The following ANAPC7 variants were observed in gnomAD, a reference collection of about 807,000 sequenced individuals.
ANAPC7 encodes the protein anaphase-promoting complex subunit 7.
In ANAPC7, 25 loss-of-function variants were observed where a neutral mutation model predicts 63.3. That is an observed-to-expected ratio of 0.39 (90% CI 0.29 to 0.55). The LOEUF is 0.55. ANAPC7 is among the 20% of genes least tolerant of loss of function. The pLI, the probability that ANAPC7 is intolerant of heterozygous loss-of-function variation, is 0.57. For missense variants in ANAPC7, 516 were observed against 691.7 expected, an observed-to-expected ratio of 0.75 and a Z score of 2.85; for synonymous variants, 241 against 251.7, an observed-to-expected ratio of 0.96 and a Z score of 0.40.
rs1398281776 is a variant in ANAPC7 at position 110,387,727 on chromosome 12, T to A, written c.674+12A>T. The A allele has an allele frequency of 3.1e-6, 5 of 1,596,770 alleles. No homozygotes were observed. ...GGCCTCAAGAACACTGAATTAACTT[T>A]GTGGCTCTCACCAGATGGTACTGAT... On this transcript the variant is annotated intron_variant, in intron 5 of 10. Transcript: ENST00000455511.
intron 8 of ANAPC7, chr12:110,379,087 C>A (rs1460737782): frequency 6.6e-6 from 1 of 152,106 alleles, no homozygotes; most frequent in African/African-American, 2.4e-5. Context: ...GTCTCGAACT[C>A]CTGACGTCAG....
Position 110,403,579 on chromosome 12 carries a change from AG to A in ANAPC7, c.48del (p.Ser17ProfsTer13). 1 of 1,609,238 alleles carries A rather than the reference AG, an allele frequency of 6.2e-7. No homozygotes were observed. Among genetic ancestry groups the A allele is most frequent in the Non-Finnish European group, 8.5e-7 (1 of 1,178,334 alleles). Reference protein sequence around the residue: ...HVRDMAAAGLHSNVRLLSSLL... With the variant: ...HVRDMAAAGLXSNVRLLSSLL... ...AAGCTGCTGAGGAGCCGCACGTTGG[AG>A]TGCAGCCCCGCGGCCGCCATGTCCC... On this transcript the variant is annotated frameshift_variant, in exon 1 of 11. Coordinates refer to ENST00000455511, the MANE Select transcript of ANAPC7 (RefSeq NM_016238.3). LOFTEE classifies it high-confidence loss of function.
rs35699984 is a variant in ANAPC7 at position 110,381,954 on chromosome 12, GAAAA to G, written c.936-10_936-7del. 1,507 of 973,458 alleles carry G rather than the reference GAAAA, an allele frequency of 1.5e-3. No individual in the cohort carries two copies. Among genetic ancestry groups the G allele is most frequent in the Middle Eastern group, 2.0e-3 (5 of 2,512 alleles). The allele number at this position is 973,458 out of a possible 1,614,324, so 60.3% of individuals were successfully genotyped here. ...TGCTATAGAAGCTGTGACAGCTGGA[GAAAA>G]AAAAAAAAAAAAAAACACAAAAACC... On this transcript the variant is annotated splice_polypyrimidine_tract_variant and splice_region_variant and intron_variant, in intron 7 of 10. Coordinates refer to ENST00000455511, the MANE Select transcript of ANAPC7 (RefSeq NM_016238.3).
rs542058162 is a variant in ANAPC7, at chr12:110,383,010, G to A, written c.818-50C>T. On this transcript the variant is annotated intron_variant, in intron 6 of 10. Transcript: ENST00000455511. The stretch of plus-strand genomic sequence containing the variant: ...AGAGGTGTTTTAAGAAGAGAAGCAG[G>A]GGTCCCACATACAGGAGTAGCACCC... The A allele has an allele frequency of 7.5e-6, 11 of 1,461,956 alleles. No homozygotes were observed. The East Asian group carries it at 2.1e-4, about 27-fold the overall frequency. The allele number at this position is 1,461,956 out of a possible 1,614,324, so 90.6% of individuals were successfully genotyped here. A position where few individuals can be genotyped will look rare whatever the true frequency, so the allele number is the denominator to read the frequency against.
Position 110,388,546 on chromosome 12 carries a change from C to A in ANAPC7, c.486G>T (p.Leu162=). The change falls in exon 4 of 11, where the codon CTG becomes CTT. Residue 162 remains leucine (L), a synonymous_variant. Transcript: ENST00000455511. ...RPSVTSYKEV[L]RQCPLALDAI... is the part of the protein sequence containing the mutation. ...CATCAAGGGCTAATGGGCACTGCCTCAGCACCTCCTTATAGCTGGTGACTG... is the reference window on the plus strand; with the variant it reads ...CATCAAGGGCTAATGGGCACTGCCTAAGCACCTCCTTATAGCTGGTGACTG... 1 of 1,614,178 alleles carries A rather than the reference C, an allele frequency of 6.2e-7. No homozygotes were observed. Among genetic ancestry groups the A allele is most frequent in the Non-Finnish European group, 8.5e-7 (1 of 1,180,040 alleles).
chr12:110,400,014 C>A (rs1043664458), intron 1 of ANAPC7, among the ~76,000 whole-genome samples: 2 of 151,962 alleles, frequency 1.3e-5, no homozygotes, highest in Admixed American at 6.6e-5. Flanking sequence ...CTGCTTGAAC[C>A]CAGCAGGCGG....
At chr12:110,389,081 TAAAAAAA>T (rs778746037) in intron 3 of ANAPC7, among the ~76,000 whole-genome samples, 13 of 98,320 alleles carry the variant, frequency 1.3e-4, no homozygotes, top group African/African-American at 5.1e-4. Context: ...GACTCCATCT[TAAAAAAA>T]AAAAAAAAAA....
intron 8 of ANAPC7, chr12:110,379,048 G>T (rs1881573041): frequency 6.6e-6 from 1 of 151,916 alleles, no homozygotes; most frequent in Non-Finnish European, 1.5e-5. Flanking sequence ...TTTTAGTAGA[G>T]ATGGTAGTTC....
At chr12:110,386,069 A>AC (rs1449639589) in intron 6 of ANAPC7, among the ~76,000 whole-genome samples, 1 of 152,018 alleles carries the variant, frequency 6.6e-6, no homozygotes, top group Non-Finnish European at 1.5e-5. Flanking sequence ...AGGAGCTATG[A>AC]CCCCCTCAAA....
Position 110,387,930 on chromosome 12 carries a change from C to T in ANAPC7, c.521-38G>A, listed in dbSNP as rs777201239. The T allele has an allele frequency of 1.7e-5, 28 of 1,604,180 alleles. 1 individual carries two copies. Among genetic ancestry groups the T allele is most frequent in the South Asian group, 2.2e-5 (2 of 90,182 alleles). On this transcript the variant is annotated intron_variant, in intron 4 of 10. Coordinates refer to ENST00000455511, the MANE Select transcript of ANAPC7 (RefSeq NM_016238.3). ...AAAGCAGAAGAAAGAAAGTAAGGCA[C>T]GATATCTCTCTTCCACATGCAAGGA...
chr12:110,386,139 CT>C (rs1198095899), intron 6 of ANAPC7, among the ~76,000 whole-genome samples, 187 bp downstream of exon 6: 2 of 152,114 alleles, frequency 1.3e-5, no homozygotes, highest in Non-Finnish European at 2.9e-5. Context: ...GCAAAAACAG[CT>C]GCTCAAATGG....
rs1880991202 is a variant in ANAPC7, at chr12:110,373,421, CA to C, written c.*722del. On this transcript the variant is annotated 3_prime_UTR_variant, in exon 11 of 11. Transcript: ENST00000455511. Reference sequence around the variant, plus strand: ...CTGAATCAATGCATTGCGAATAAGACAAAAATACTAAGAGTCTATTTTGAAA... The same window carrying C: ...CTGAATCAATGCATTGCGAATAAGACAAAATACTAAGAGTCTATTTTGAAA... 6.6e-6 allele frequency: 1 copy of C among 152,118 alleles called. No individual in the cohort carries two copies. Among genetic ancestry groups the C allele is most frequent in the African/African-American group, 2.4e-5 (1 of 41,420 alleles). The allele number at this position is 152,118 out of a possible 1,614,324, so 9.4% of individuals were successfully genotyped here. A position where few individuals can be genotyped will look rare whatever the true frequency, so the allele number is the denominator to read the frequency against.
intron 3 of ANAPC7, among the ~76,000 whole-genome samples, chr12:110,389,808 T>C (rs967188089): frequency 6.6e-6 from 1 of 151,676 alleles, no homozygotes; most frequent in Non-Finnish European, 1.5e-5. Context: ...GGCGGGCGCC[T>C]GTAGTCCCAG....
At chr12:110,382,499 T>TATATATATATATATATATAG (rs1555289595) in intron 7 of ANAPC7, among the ~76,000 whole-genome samples, 1 of 136,516 alleles carries the variant, frequency 7.3e-6, no homozygotes, top group African/African-American at 2.7e-5. Flanking sequence ...TATATATTTA[T>TATATATATATATATATATAG]AGAGACAGGG....
chr12:110,396,243 ATC>A (rs747915895), intron 2 of ANAPC7, 21 bp downstream of exon 2: 14 of 1,569,488 alleles, frequency 8.9e-6, no homozygotes, highest in Admixed American at 4.0e-5. Flanking sequence ...AAAAAAAAAA[ATC>A]ACAATTCTAT....
Position 110,387,283 on chromosome 12 carries a change from G to GAGAGAGAGAGAGAGAC in ANAPC7, c.674+455_674+456insGTCTCTCTCTCTCTCT. ...AGAGAGAGAGAGAGAGAGAGAGAGA[G>GAGAGAGAGAGAGAGAC]AGACAGAGAGAGAGAGAGAGAGAGA... On this transcript the variant is annotated intron_variant, in intron 5 of 10. Coordinates refer to ENST00000455511, the MANE Select transcript of ANAPC7 (RefSeq NM_016238.3). 2 of 127,014 alleles carry GAGAGAGAGAGAGAGAC rather than the reference G, an allele frequency of 1.6e-5. 1 individual carries two copies. Among genetic ancestry groups the GAGAGAGAGAGAGAGAC allele is most frequent in the East Asian group, 4.6e-4 (2 of 4,320 alleles). 7.9% of individuals were successfully genotyped at this position (127,014 alleles called of 1,614,324 possible).
chr12:110,382,890 G>A lies in ANAPC7; in HGVS notation c.888C>T (p.Arg296=), dbSNP rs1288360849. Reference sequence around the variant, plus strand: ...CATGCTGATCAGAGATATTGAAAAGGCGGCATCCAAGGTTCTCAACATCCT... The same window carrying A: ...CATGCTGATCAGAGATATTGAAAAGACGGCATCCAAGGTTCTCAACATCCT... ...RLEDVENLGC[R]LFNISDQHAE... is the part of the protein sequence containing the mutation. Residue 296 remains arginine, a synonymous_variant, in exon 7 of 11, where the codon CGC becomes CGT. Transcript: ENST00000455511. The A allele has an allele frequency of 3.7e-6, 6 of 1,613,812 alleles. No individual in the cohort carries two copies. The African/African-American group carries it at 6.7e-5, about 18-fold the overall frequency.
chr12:110,376,036 G>T, intron 10 of ANAPC7, 30 bp downstream of exon 10: 1 of 1,595,226 alleles, frequency 6.3e-7, no homozygotes, highest in Non-Finnish European at 8.6e-7. Flanking sequence ...CCTCCTCAGT[G>T]GCCTTCCCCC....
intron 1 of ANAPC7, among the ~76,000 whole-genome samples, chr12:110,398,871 G>C (rs2062180831): frequency 6.6e-6 from 1 of 151,848 alleles, no homozygotes; most frequent in Admixed American, 6.6e-5. Context: ...CTTGAATCTG[G>C]GAGGCAGAGG....
Sources: allele counts gnomAD v4.1 joint callset (sites outside exome capture counted in the v4.1 genomes callset), GRCh38; gene constraint gnomAD v4.1.1; transcripts MANE v1.5; gene names NCBI Gene and HGNC (gene_info 2026-07-23, HGNC 2026-07-21).